Variants in ADGRB3 observed in about 807,000 individuals in gnomAD.
ADGRB3 encodes the protein brain-specific angiogenesis inhibitor 3.
ADGRB3 carries 37 observed loss-of-function variants against 193.4 expected under a neutral mutation model. The ratio of observed to expected loss-of-function variants is 0.19; its 90% CI spans 0.15 to 0.25. ADGRB3 has a LOEUF of 0.25. Ranked by LOEUF, ADGRB3 falls within the 10% of genes least tolerant of loss-of-function variation. The pLI is 1.00. For synonymous variants in ADGRB3, 690 were observed against 644.2 expected, an observed-to-expected ratio of 1.07 and a Z score of -1.08; for missense variants, 1,637 against 1,852.9, an observed-to-expected ratio of 0.88 and a Z score of 2.14.
chr6:69,301,716 C>T (rs1262117827), intron 20 of ADGRB3, among the ~76,000 whole-genome samples: 1 of 151,868 alleles, frequency 6.6e-6, no homozygotes, highest in East Asian at 1.9e-4. Context: ...GATAAATAAA[C>T]CCAGTAATGA....
At chr6:68,844,824 G>C (rs1034932893) in intron 3 of ADGRB3, among the ~76,000 whole-genome samples, 2 of 152,254 alleles carry the variant, frequency 1.3e-5, no homozygotes, top group Admixed American at 1.3e-4. Flanking sequence ...GCAACAACAG[G>C]AATGGAACTG....
intron 3 of ADGRB3, among the ~76,000 whole-genome samples, chr6:68,652,097 A>G (rs1371685787): frequency 6.6e-6 from 1 of 151,890 alleles, no homozygotes; most frequent in African/African-American, 2.4e-5. Flanking sequence ...GCCTGAGTCT[A>G]ACTCCCACCC....
intron 17 of ADGRB3, among the ~76,000 whole-genome samples, chr6:69,121,916 G>A (rs919361298): frequency 3.1e-4 from 45 of 147,132 alleles, no homozygotes; most frequent in Admixed American, 2.6e-3. Flanking sequence ...AGGTGGAAGC[G>A]CTCCTCTCAT....
intron 17 of ADGRB3, among the ~76,000 whole-genome samples, chr6:69,173,014 GGTTTTGGTTTTTGTTTTT>G (rs1751289473): frequency 7.5e-6 from 1 of 133,408 alleles, no homozygotes; most frequent in Admixed American, 7.4e-5. Flanking sequence ...AGTTGTGTGG[GGTTTTGGTTTTTGTTTTT>G]GTTTTTGTTT....
chr6:69,069,553 C>CAAAAAAAAAAAAAAAAAAAA lies in ADGRB3; in HGVS notation c.2437-6433_2437-6414dup. Among the ~76,000 whole-genome samples the CAAAAAAAAAAAAAAAAAAAA allele has an allele frequency of 4.4e-4, 14 of 31,782 alleles. 5 individuals are homozygous for CAAAAAAAAAAAAAAAAAAAA. The East Asian group carries it at 7.1e-3, about 16-fold the overall frequency. The allele number at this position is 31,782 out of a possible 152,430, so 20.9% of individuals were successfully genotyped here. A position where few individuals can be genotyped will look rare whatever the true frequency, so the allele number is the denominator to read the frequency against. On this transcript the variant is annotated intron_variant, in intron 16 of 31. Transcript: ENST00000370598. ...TGAAACCCCGTCTCTACTAAAAATA[C>CAAAAAAAAAAAAAAAAAAAA]AAAAAAAAAAAAAAAAAAAAAAAAA...
chr6:69,371,185 C>T (rs1769698966), intron 29 of ADGRB3, among the ~76,000 whole-genome samples: 1 of 152,032 alleles, frequency 6.6e-6, no homozygotes, highest in South Asian at 2.1e-4. Context: ...AAACATGAAA[C>T]CTTTCTTTCG....
intron 3 of ADGRB3, among the ~76,000 whole-genome samples, chr6:68,804,128 A>G: frequency 6.6e-6 from 1 of 152,124 alleles, no homozygotes; most frequent in South Asian, 2.1e-4. Flanking sequence ...CCTGTGATAA[A>G]CTCCATGGCC....
At chr6:68,688,650 G>C (rs974500550) in intron 3 of ADGRB3, among the ~76,000 whole-genome samples, 1 of 152,110 alleles carries the variant, frequency 6.6e-6, no homozygotes, top group African/African-American at 2.4e-5. Context: ...TATCTCATTT[G>C]TGTAAATTTT....
At chr6:69,038,074 G>T (rs907880316) in intron 13 of ADGRB3, among the ~76,000 whole-genome samples, 1 of 152,126 alleles carries the variant, frequency 6.6e-6, no homozygotes, top group East Asian at 1.9e-4. Context: ...CTCAATAGAG[G>T]TTTGTTGGAT....
chr6:68,807,770 AT>A (rs933709088), intron 3 of ADGRB3, among the ~76,000 whole-genome samples: 43 of 152,092 alleles, frequency 2.8e-4, no homozygotes, highest in African/African-American at 1.0e-3. Flanking sequence ...TACTTTTCTT[AT>A]TTTTTTCTAG....
intron 17 of ADGRB3, among the ~76,000 whole-genome samples, chr6:69,103,721 CT>C (rs1428848256): frequency 6.6e-6 from 1 of 151,186 alleles, no homozygotes; most frequent in African/African-American, 2.4e-5. Context: ...CAGGAAAGCT[CT>C]CAGTCATCTA....
intron 3 of ADGRB3, among the ~76,000 whole-genome samples, chr6:68,772,897 AT>A (rs1562023409): frequency 6.5e-3 from 80 of 12,286 alleles, no homozygotes; most frequent in Non-Finnish European, 7.9e-3. Flanking sequence ...AAAAAAAAAT[AT>A]ATATATATAT....
At chr6:68,965,550 T>A (rs1218114952) in intron 8 of ADGRB3, among the ~76,000 whole-genome samples, 1 of 152,152 alleles carries the variant, frequency 6.6e-6, no homozygotes, top group Non-Finnish European at 1.5e-5. Context: ...CCACACAAAA[T>A]TGATTTAAGC....
At chr6:68,721,482 G>C (rs1765576819) in intron 3 of ADGRB3, among the ~76,000 whole-genome samples, 1 of 151,514 alleles carries the variant, frequency 6.6e-6, no homozygotes, top group Admixed American at 6.6e-5. Flanking sequence ...GTTGTGGGGT[G>C]GGGGCAGGGG....
At chr6:69,338,567 A>G (rs939860800) in intron 24 of ADGRB3, among the ~76,000 whole-genome samples, 3 of 152,186 alleles carry the variant, frequency 2.0e-5, no homozygotes, top group African/African-American at 7.2e-5. Flanking sequence ...GAGTCCTCAC[A>G]TGTTTGATTA....
At chr6:69,123,182 CAACTG>C (rs1472423242) in intron 17 of ADGRB3, among the ~76,000 whole-genome samples, 1 of 152,024 alleles carries the variant, frequency 6.6e-6, no homozygotes, top group East Asian at 1.9e-4. Flanking sequence ...TGGGTTAACA[CAACTG>C]AACTGCAAAA....
intron 3 of ADGRB3, among the ~76,000 whole-genome samples, chr6:68,700,825 G>A (rs1241866104): frequency 2.5e-5 from 3 of 120,034 alleles, no homozygotes; most frequent in African/African-American, 9.4e-5. Context: ...CTGTCGTAGG[G>A]TGGGGGGAGG....
intron 3 of ADGRB3, among the ~76,000 whole-genome samples, chr6:68,716,568 G>A (rs1765493766): frequency 6.6e-6 from 1 of 150,900 alleles, no homozygotes; most frequent in South Asian, 2.1e-4. Flanking sequence ...AACCCACAGA[G>A]CTAGCATTTC....
At chr6:68,680,860 T>C (rs1764882659) in intron 3 of ADGRB3, among the ~76,000 whole-genome samples, 1 of 152,226 alleles carries the variant, frequency 6.6e-6, no homozygotes, top group African/African-American at 2.4e-5. Context: ...ATAAATGTAC[T>C]TAACTAACTA....
Sources: gnomAD v4.1 joint callset for allele counts (sites outside exome capture counted in the v4.1 genomes callset) on GRCh38, gnomAD v4.1.1 for gene constraint, MANE v1.5 for transcripts, NCBI Gene and HGNC (gene_info 2026-07-23, HGNC 2026-07-21) for gene names.